SLIT3: variants seen among roughly 807,000 people sequenced by gnomAD.
SLIT3 encodes slit guidance ligand 3.
Under a neutral mutation model 184.0 loss-of-function variants are expected in SLIT3, and 68 were observed. The ratio of observed to expected loss-of-function variants is 0.37; its 90% CI spans 0.30 to 0.45. The LOEUF (loss-of-function observed/expected upper bound fraction) is 0.45, where lower values mean the gene tolerates loss of function less well. Ranked by LOEUF, SLIT3 falls within the 20% of genes least tolerant of loss-of-function variation. The pLI is 1.00. For missense variants in SLIT3, 1,707 were observed against 2,026.0 expected, an observed-to-expected ratio of 0.84 and a Z score of 3.02; for synonymous variants, 831 against 828.6, an observed-to-expected ratio of 1.00 and a Z score of -0.05.
At chr5:168,928,444 C>T (rs955767414) in intron 4 of SLIT3, among the ~76,000 whole-genome samples, 6 of 152,272 alleles carry the variant, frequency 3.9e-5, no homozygotes, top group South Asian at 2.1e-4. Context: ...TCACACTCCT[C>T]GGGTGTCCCT....
At chr5:169,027,737 C>G (rs1254489502) in intron 4 of SLIT3, among the ~76,000 whole-genome samples, 1 of 152,196 alleles carries the variant, frequency 6.6e-6, no homozygotes, top group East Asian at 1.9e-4. Flanking sequence ...GCTTTTTATA[C>G]ATTCCTCCTG....
rs114667273 is a variant in SLIT3 at position 169,160,499 on chromosome 5, A to G, written c.413+32980T>C. Among the ~76,000 whole-genome samples the G allele has an allele frequency of 9.7e-3, 1,484 of 152,244 alleles. 27 individuals carry two copies. The highest frequency in any genetic ancestry group is 0.033 in the African/African-American group (1,386 of 41,538). On this transcript the variant is annotated intron_variant, in intron 4 of 35. Coordinates refer to ENST00000519560, the MANE Select transcript of SLIT3 (RefSeq NM_003062.4). Reference sequence around the variant, plus strand: ...AGGGGGCGATGATGAGTTCAGAAAAACCTTTAATTCATCAAGCATTTCTAA... The same window carrying G: ...AGGGGGCGATGATGAGTTCAGAAAAGCCTTTAATTCATCAAGCATTTCTAA...
chr5:168,727,055 C>T (rs1763155478), intron 20 of SLIT3, among the ~76,000 whole-genome samples: 1 of 150,472 alleles, frequency 6.6e-6, no homozygotes, highest in Non-Finnish European at 1.5e-5. Flanking sequence ...CACGGTGGCT[C>T]ACTCTTGTAA....
intron 1 of SLIT3, among the ~76,000 whole-genome samples, chr5:169,268,743 T>C (rs145082261): frequency 4.6e-5 from 7 of 152,360 alleles, no homozygotes; most frequent in East Asian, 1.9e-4. Context: ...AGAGGGTTTT[T>C]GAGATGCTCA....
intron 4 of SLIT3, among the ~76,000 whole-genome samples, chr5:169,153,789 G>A (rs1762204666): frequency 6.6e-6 from 1 of 152,182 alleles, no homozygotes; most frequent in Non-Finnish European, 1.5e-5. Flanking sequence ...CTCAACTTTT[G>A]CCTTCAGTGT....
chr5:169,022,286 G>C (rs1282597808), intron 4 of SLIT3: 1 of 152,206 alleles, frequency 6.6e-6, no homozygotes, highest in Non-Finnish European at 1.5e-5. Flanking sequence ...AGCATATTGA[G>C]TGAGAAAGGG....
At chr5:169,076,142 CCT>C (rs903696035) in intron 4 of SLIT3, among the ~76,000 whole-genome samples, 1 of 152,220 alleles carries the variant, frequency 6.6e-6, no homozygotes, top group African/African-American at 2.4e-5. Context: ...GGTGGTGACT[CCT>C]GTCCTTGGTC....
intron 35 of SLIT3, 168 bp from the exon 36 acceptor site, chr5:168,666,857 CAG>C: frequency 8.9e-7 from 1 of 1,126,838 alleles, no homozygotes; most frequent in Non-Finnish European, 1.3e-6. Context: ...ATTTTACAAA[CAG>C]GTGCCTTTCC....
intron 4 of SLIT3, among the ~76,000 whole-genome samples, chr5:169,164,647 G>A (rs557676515): frequency 8.5e-5 from 13 of 152,308 alleles, no homozygotes; most frequent in African/African-American, 2.9e-4. Flanking sequence ...GTTTGGTTTG[G>A]GGCAATGACA....
At chr5:168,775,555 C>G (rs1412311312) in intron 12 of SLIT3, among the ~76,000 whole-genome samples, 1 of 152,188 alleles carries the variant, frequency 6.6e-6, no homozygotes, top group Non-Finnish European at 1.5e-5. Context: ...TCCTGGCACT[C>G]ATCGCAATTT....
chr5:168,981,798 T>C (rs1016183132), intron 4 of SLIT3, among the ~76,000 whole-genome samples: 1 of 152,250 alleles, frequency 6.6e-6, no homozygotes, highest in Non-Finnish European at 1.5e-5. Context: ...TCTTGGCTTA[T>C]TGTATCAAAG....
chr5:169,121,233 T>C (rs924752193), intron 4 of SLIT3, among the ~76,000 whole-genome samples: 46 of 152,164 alleles, frequency 3.0e-4, no homozygotes, highest in Non-Finnish European at 3.5e-4. Flanking sequence ...AGACATAGGA[T>C]GAAATTTAGG....
intron 4 of SLIT3, among the ~76,000 whole-genome samples, chr5:169,154,239 C>T (rs571051308): frequency 1.3e-5 from 2 of 152,306 alleles, no homozygotes; most frequent in Admixed American, 6.5e-5. Flanking sequence ...GGATTACAGG[C>T]GTGAGCCACC....
chr5:169,050,832 G>A (rs1443186784), intron 4 of SLIT3, among the ~76,000 whole-genome samples: 1 of 152,116 alleles, frequency 6.6e-6, no homozygotes, highest in Non-Finnish European at 1.5e-5. Flanking sequence ...CACCCTTCCA[G>A]AAATTTCCAT....
At chr5:168,991,762 T>C (rs1755340019) in intron 4 of SLIT3, among the ~76,000 whole-genome samples, 3 of 152,188 alleles carry the variant, frequency 2.0e-5, no homozygotes, top group Admixed American at 2.0e-4. Flanking sequence ...AGTGCCTGTC[T>C]CAGAATGGCC....
At chr5:169,135,419 GT>G (rs141984494) in intron 4 of SLIT3, among the ~76,000 whole-genome samples, 50,538 of 151,442 alleles carry the variant, frequency 0.33, 8,831 homozygotes, top group Middle Eastern at 0.46. Context: ...GCAGATCAGT[GT>G]TTTTTTTTAA....
At position 168,772,819 on chromosome 5, in the gene SLIT3, C is replaced by T. The variant is rs766415643; in HGVS notation, c.1421G>A (p.Arg474His). The part of the protein sequence containing the change: ...CSSPRRLANK[R>H]ISQIKSKKFR... ...CTTCTTGCTCTTGATCTGGCTGATG[C>T]GCTTGTTGGCGAGTCGGCGCGGGCT... Residue 474 changes from arginine (R) to histidine (H), a missense_variant, in exon 14 of 36, where the codon CGC becomes CAC. Around this residue, in one of 3 missense-constraint regions of SLIT3, gnomAD observed 1,307 missense variants for 1,511.6 expected, o/e 0.86. Transcript: ENST00000519560. 22 of 1,613,984 alleles carry T rather than the reference C, an allele frequency of 1.4e-5. No homozygotes were observed. Among genetic ancestry groups the T allele is most frequent in the African/African-American group, 2.7e-5 (2 of 74,890 alleles).
chr5:169,113,006 T>C (rs1368247789), intron 4 of SLIT3, among the ~76,000 whole-genome samples: 1 of 152,204 alleles, frequency 6.6e-6, no homozygotes, highest in Non-Finnish European at 1.5e-5. Flanking sequence ...CATCTATTTG[T>C]AAAAATTTCC....
chr5:169,236,392 A>C (rs571324973), intron 3 of SLIT3, among the ~76,000 whole-genome samples: 1 of 152,062 alleles, frequency 6.6e-6, no homozygotes, highest in Non-Finnish European at 1.5e-5. Context: ...AAAATCATCA[A>C]CTGGGTGCTG....
Sources: allele counts gnomAD v4.1 joint callset (sites outside exome capture counted in the v4.1 genomes callset), GRCh38; gene constraint gnomAD v4.1.1; regional missense constraint gnomAD v4.1.1; transcripts MANE v1.5; gene names NCBI Gene and HGNC (gene_info 2026-07-23, HGNC 2026-07-21).